BIVM: variants seen among roughly 807,000 people sequenced by gnomAD.
The protein encoded by BIVM is basic immunoglobulin-like variable motif-containing protein.
A neutral mutation model predicts 61.4 loss-of-function variants in BIVM; 31 were observed. That is an observed-to-expected ratio of 0.51 (90% CI 0.38 to 0.68). BIVM has a LOEUF of 0.68. Among genes scored for constraint, BIVM ranks in the 30% least tolerant of loss-of-function variants. BIVM has a pLI of 0.00. For missense variants in BIVM, 526 were observed against 596.0 expected (o/e 0.88, Z 1.22); for synonymous variants, 189 against 210.7 (o/e 0.90, Z 0.89).
rs1222534506 is a variant in BIVM, at chr13:102,831,595, G to T, written c.932G>T (p.Gly311Val). 6.2e-7 allele frequency: 1 copy of T among 1,614,118 alleles called. No individual in the cohort carries two copies. The highest frequency in any genetic ancestry group is 2.2e-5 in the East Asian group (1 of 44,874). ...ASGALSKLTR[G>V]LKDESLAYIY... Reference sequence around the variant, plus strand: ...GGGGCCCTGTCAAAGTTAACCCGTGGATTGAAAGATGAATCGCTGGCTTAT... The same window carrying T: ...GGGGCCCTGTCAAAGTTAACCCGTGTATTGAAAGATGAATCGCTGGCTTAT... Residue 311 changes from glycine to valine, a missense_variant, in exon 8 of 11, where the codon GGA becomes GTA. Around this residue, in one of 3 missense-constraint regions of BIVM, gnomAD observed 210 missense variants for 233.1 expected, o/e 0.90. Transcript: ENST00000257336.
At chr13:102,805,438 A>G (rs1878996679) in intron 2 of BIVM, 48 bp downstream of exon 2, 1 of 152,176 alleles carries the variant, frequency 6.6e-6, no homozygotes, top group South Asian at 2.1e-4. Flanking sequence ...TGTTTATTTA[A>G]ATCTGTGGCC....
intron 5 of BIVM, 133 bp from the exon 6 acceptor site, chr13:102,821,609 AT>A (rs1651548673): frequency 1.2e-5 from 9 of 756,934 alleles, no homozygotes; most frequent in Non-Finnish European, 1.5e-5. Flanking sequence ...CTCTAAAAAA[AT>A]AAATAAAATA....
intron 10 of BIVM, among the ~76,000 whole-genome samples, chr13:102,839,125 G>A (rs6491713): frequency 0.98 from 149,698 of 152,364 alleles, 73,596 homozygotes; most frequent in East Asian, 1. Context: ...GTTCAGTTCC[G>A]TAGTCTTAGC....
chr13:102,806,281 G>A lies in BIVM; in HGVS notation c.-122-865G>A, dbSNP rs181002510. Among the ~76,000 whole-genome samples, 62 of 152,072 alleles carry A rather than the reference G, an allele frequency of 4.1e-4. 1 individual carries two copies. The highest frequency in any genetic ancestry group is 3.0e-3 in the Admixed American group (46 of 15,274). ...TTATTTTTATTTTTGATACAGTCTC[G>A]CTCTGTTGCCCAGGCTAGAGTGTAG... On this transcript the variant is annotated intron_variant, in intron 2 of 10. Transcript: ENST00000257336.
chr13:102,833,327 G>GTTTTTTTTTTTGTTTTTTTTTT (rs1881234674), intron 8 of BIVM, among the ~76,000 whole-genome samples: 2 of 79,598 alleles, frequency 2.5e-5, no homozygotes, highest in African/African-American at 3.8e-5. Flanking sequence ...GATAGGATGG[G>GTTTTTTTTTTTGTTTTTTTTTT]TTTTTTTTTT....
chr13:102,805,203 G>A (rs1260267709), intron 1 of BIVM, 104 bp from the exon 2 acceptor site: 1 of 152,212 alleles, frequency 6.6e-6, no homozygotes, highest in African/African-American at 2.4e-5. Flanking sequence ...TCTGCTGCGT[G>A]TCCTGGGATG....
intron 4 of BIVM, 98 bp from the exon 5 acceptor site, chr13:102,820,939 T>C: frequency 1.8e-6 from 2 of 1,118,180 alleles, no homozygotes; most frequent in South Asian, 1.4e-5. Flanking sequence ...ATCAAAGTTT[T>C]CATTATATTA....
intron 3 of BIVM, among the ~76,000 whole-genome samples, chr13:102,813,594 C>G (rs1879647622): frequency 6.6e-6 from 1 of 151,990 alleles, no homozygotes; most frequent in Admixed American, 6.6e-5. Flanking sequence ...TATCTTTTTT[C>G]TTGAGAATGA....
At chr13:102,810,047 A>T (rs556342300) in intron 3 of BIVM, among the ~76,000 whole-genome samples, 277 of 152,068 alleles carry the variant, frequency 1.8e-3, no homozygotes, top group Non-Finnish European at 3.3e-3. Context: ...TGCTGGGATT[A>T]CAGGCGTGAG....
At position 102,807,082 on chromosome 13, in the gene BIVM, A is replaced by G. The variant is rs1879157017; in HGVS notation, c.-122-64A>G. ...GGCATATGTATGCATAAAACTTGCT[A>G]TGCTTTTTAGTGGCTCTTTGTGTAT... On this transcript the variant is annotated intron_variant, in intron 2 of 10. Transcript: ENST00000257336. This position sits in a 1 kb window ranked among gnomAD's most constrained non-coding sequence, Gnocchi z 4.0. 8 of 572,924 alleles carry G rather than the reference A, an allele frequency of 1.4e-5. No individual in the cohort carries two copies. The highest frequency in any genetic ancestry group is 3.3e-5 in the South Asian group (1 of 30,104). 35.5% of individuals were successfully genotyped at this position (572,924 alleles called of 1,614,324 possible).
At chr13:102,829,199 AG>A (rs1880886550) in intron 7 of BIVM, among the ~76,000 whole-genome samples, 1 of 152,158 alleles carries the variant, frequency 6.6e-6, no homozygotes, top group South Asian at 2.1e-4. Flanking sequence ...CTACAGGACA[AG>A]CTCATACTAA....
At chr13:102,834,744 A>G (rs1881346535) in intron 9 of BIVM, among the ~76,000 whole-genome samples, 192 bp downstream of exon 9, 1 of 152,220 alleles carries the variant, frequency 6.6e-6, no homozygotes, top group Non-Finnish European at 1.5e-5. Flanking sequence ...CTCCATAGAA[A>G]GCCCCTCTTC....
rs530292067 is a variant in BIVM, at chr13:102,799,718, G to A, written c.-207+197G>A. 1.4e-4 allele frequency among the ~76,000 whole-genome samples: 22 copies of A among 152,378 alleles called. 1 individual carries two copies. The South Asian group carries it at 4.6e-3, about 32-fold the overall frequency. ...GGTCATCGCCTCTCCGAGCCCCGTG[G>A]CGTCCAGATGGAGGCCACTGCATGG... On this transcript the variant is annotated intron_variant, in intron 1 of 10. Transcript: ENST00000257336.
chr13:102,816,304 C>G, intron 3 of BIVM, 124 bp from the exon 4 acceptor site: 1 of 918,004 alleles, frequency 1.1e-6, no homozygotes. Flanking sequence ...ATTATTTTTT[C>G]TTTGCACTTT....
At chr13:102,806,340 C>A (rs1380441753) in intron 2 of BIVM, among the ~76,000 whole-genome samples, 1 of 152,140 alleles carries the variant, frequency 6.6e-6, no homozygotes, top group African/African-American at 2.4e-5. Flanking sequence ...ACCTCTACCT[C>A]CCAGGTTCAA....
intron 1 of BIVM, chr13:102,801,885 G>C (rs78733111): frequency 0.027 from 4,154 of 152,330 alleles, 63 homozygotes; most frequent in Non-Finnish European, 0.032. Flanking sequence ...TGACATTTGA[G>C]CTGACATTGG....
chr13:102,835,081 T>C (rs1372128641), intron 9 of BIVM, among the ~76,000 whole-genome samples: 1 of 152,098 alleles, frequency 6.6e-6, no homozygotes, highest in Non-Finnish European at 1.5e-5. Flanking sequence ...TCACATACCA[T>C]AAAGTTCACT....
chr13:102,828,538 C>A (rs1313212937), intron 7 of BIVM, among the ~76,000 whole-genome samples: 3 of 152,214 alleles, frequency 2.0e-5, no homozygotes, highest in African/African-American at 7.2e-5. Flanking sequence ...CATTAGTATT[C>A]TGTTTTCCTC....
chr13:102,827,019 T>G (rs1406565590), intron 7 of BIVM, among the ~76,000 whole-genome samples: 1 of 152,010 alleles, frequency 6.6e-6, no homozygotes, highest in Admixed American at 6.6e-5. Flanking sequence ...ATGGAGAGAG[T>G]TGACTTAGGA....
Sources: gnomAD v4.1 joint callset for allele counts (sites outside exome capture counted in the v4.1 genomes callset) on GRCh38, gnomAD v4.1.1 for gene constraint, gnomAD v4.1.1 regional missense constraint, Gnocchi (gnomAD v3.1) non-coding constraint, MANE v1.5 for transcripts, NCBI Gene and HGNC (gene_info 2026-07-23, HGNC 2026-07-21) for gene names.